Variants in RUNDC3B observed in about 807,000 individuals in gnomAD.
The protein encoded by RUNDC3B is RUN domain-containing protein 3B.
In RUNDC3B, 33 loss-of-function variants were observed where a neutral mutation model predicts 58.4. The observed-to-expected ratio is 0.56, with a 90% confidence interval of 0.43 to 0.75. The LOEUF is 0.75. Among genes scored for constraint, RUNDC3B ranks in the 30% least tolerant of loss-of-function variants. The pLI, the probability that RUNDC3B is intolerant of heterozygous loss-of-function variation, is 0.00. For synonymous variants in RUNDC3B, 193 were observed against 195.2 expected, an observed-to-expected ratio of 0.99 and a Z score of 0.10; for missense variants, 501 against 535.7, an observed-to-expected ratio of 0.94 and a Z score of 0.64.
intron 4 of RUNDC3B, among the ~76,000 whole-genome samples, chr7:87,729,642 T>C (rs1831462075): frequency 6.6e-6 from 1 of 152,234 alleles, no homozygotes; most frequent in Admixed American, 6.5e-5. Context: ...TAAAAAGCAG[T>C]CTAGGCCAAA....
At chr7:87,750,247 A>C (rs1832888717) in intron 6 of RUNDC3B, among the ~76,000 whole-genome samples, 1 of 152,068 alleles carries the variant, frequency 6.6e-6, no homozygotes, top group Non-Finnish European at 1.5e-5. Context: ...CATGGTGTAT[A>C]TGTGCCACAT....
At chr7:87,675,625 A>G (rs1279545802) in intron 2 of RUNDC3B, among the ~76,000 whole-genome samples, 51 of 142,678 alleles carry the variant, frequency 3.6e-4, no homozygotes, top group African/African-American at 1.3e-3. Flanking sequence ...TTCAGTAAAT[A>G]GTGTTCAGAA....
chr7:87,753,359 G>A (rs923494463), intron 6 of RUNDC3B, among the ~76,000 whole-genome samples: 6 of 151,906 alleles, frequency 3.9e-5, no homozygotes, highest in Non-Finnish European at 7.4e-5. Flanking sequence ...TGTTGATTTG[G>A]GGTGGAGAGT....
chr7:87,772,427 T>C lies in RUNDC3B; in HGVS notation c.798+1678T>C, dbSNP rs375360786. On this transcript the variant is annotated intron_variant, in intron 7 of 10. Transcript: ENST00000394654. ...AGTATTTCTACTAAGATAGATGAAATAGATGTAAATGACCATAAGAACATA... is the reference window on the plus strand; with the variant it reads ...AGTATTTCTACTAAGATAGATGAAACAGATGTAAATGACCATAAGAACATA... Among the ~76,000 whole-genome samples, 9 of 152,022 alleles carry C rather than the reference T, an allele frequency of 5.9e-5. No homozygotes were observed. In the East Asian group the frequency reaches 1.7e-3, roughly 29 times the overall value.
At chr7:87,712,597 G>A (rs185401345) in intron 4 of RUNDC3B, among the ~76,000 whole-genome samples, 2 of 152,140 alleles carry the variant, frequency 1.3e-5, no homozygotes, top group African/African-American at 2.4e-5. Context: ...AAATGATTGG[G>A]TGGGGTAGAA....
chr7:87,690,386 A>C (rs183046699), intron 2 of RUNDC3B, among the ~76,000 whole-genome samples: 2 of 152,226 alleles, frequency 1.3e-5, no homozygotes, highest in Admixed American at 1.3e-4. Flanking sequence ...TTTGCACTTG[A>C]TAAACTTCAA....
chr7:87,830,545 T>G lies in RUNDC3B; in HGVS notation c.*515T>G, dbSNP rs944859791. ...AATAACGGGAAAGTTCTCAGCTGCATTTTCACAGTGGCTTATTCAGTTTTT... is the reference window on the plus strand; with the variant it reads ...AATAACGGGAAAGTTCTCAGCTGCAGTTTCACAGTGGCTTATTCAGTTTTT... On this transcript the variant is annotated 3_prime_UTR_variant, in exon 11 of 11. Coordinates refer to ENST00000394654, the MANE Select transcript of RUNDC3B (RefSeq NM_001134405.2). 1 of 152,416 alleles carries G rather than the reference T, an allele frequency of 6.6e-6. No homozygotes were observed. The highest frequency in any genetic ancestry group is 1.5e-5 in the Non-Finnish European group (1 of 67,852). 9.4% of individuals were successfully genotyped at this position (152,416 alleles called of 1,614,324 possible). A position where few individuals can be genotyped will look rare whatever the true frequency, so the allele number is the denominator to read the frequency against.
At chr7:87,699,118 G>GTGGT (rs2130685065) in intron 2 of RUNDC3B, among the ~76,000 whole-genome samples, 1 of 152,186 alleles carries the variant, frequency 6.6e-6, no homozygotes, top group South Asian at 2.1e-4. Flanking sequence ...TATTATCTCA[G>GTGGT]ACATTGGTCC....
At chr7:87,779,677 A>T (rs1438238533) in intron 8 of RUNDC3B, among the ~76,000 whole-genome samples, 2 of 152,150 alleles carry the variant, frequency 1.3e-5, no homozygotes, top group African/African-American at 4.8e-5. Context: ...CAGGTTTGTT[A>T]CATGGATATG....
chr7:87,740,313 C>CT (rs1832242400), intron 5 of RUNDC3B, among the ~76,000 whole-genome samples: 1 of 151,600 alleles, frequency 6.6e-6, no homozygotes, highest in Non-Finnish European at 1.5e-5. Context: ...TCTTACGTCT[C>CT]TTATGTTATG....
chr7:87,657,484 A>T (rs1230606989), intron 2 of RUNDC3B, among the ~76,000 whole-genome samples: 3 of 152,200 alleles, frequency 2.0e-5, no homozygotes, highest in Non-Finnish European at 4.4e-5. Flanking sequence ...TGAGGCTATA[A>T]CAGTGTCCCA....
intron 8 of RUNDC3B, among the ~76,000 whole-genome samples, chr7:87,787,299 G>A (rs988714395): frequency 6.6e-6 from 1 of 151,964 alleles, no homozygotes; most frequent in African/African-American, 2.4e-5. Flanking sequence ...ATCAAAGTTG[G>A]GCATTGAAAT....
intron 4 of RUNDC3B, among the ~76,000 whole-genome samples, chr7:87,738,487 A>G (rs1167027343): frequency 1.3e-5 from 2 of 152,014 alleles, no homozygotes; most frequent in Non-Finnish European, 2.9e-5. Flanking sequence ...ATTTGTTTGC[A>G]GCCTTACATC....
chr7:87,763,636 T>A (rs904146897), intron 6 of RUNDC3B, among the ~76,000 whole-genome samples: 2 of 151,784 alleles, frequency 1.3e-5, no homozygotes, highest in African/African-American at 4.8e-5. Flanking sequence ...CAATTGTATC[T>A]GATTTTTAGG....
At chr7:87,829,146 C>T (rs1026483506) in intron 10 of RUNDC3B, among the ~76,000 whole-genome samples, 1 of 152,086 alleles carries the variant, frequency 6.6e-6, no homozygotes, top group Non-Finnish European at 1.5e-5. Flanking sequence ...GTGTCTTTTG[C>T]TCACCTCTTA....
intron 6 of RUNDC3B, among the ~76,000 whole-genome samples, chr7:87,769,293 G>C (rs930362065): frequency 6.6e-6 from 1 of 152,044 alleles, no homozygotes; most frequent in Non-Finnish European, 1.5e-5. Flanking sequence ...TTACAGGAAT[G>C]AGCTAATATG....
intron 2 of RUNDC3B, among the ~76,000 whole-genome samples, chr7:87,684,514 C>T (rs1013155224): frequency 6.6e-5 from 10 of 151,712 alleles, no homozygotes; most frequent in Non-Finnish European, 1.3e-4. Flanking sequence ...TTTGGGAGGC[C>T]GAGGCAGGCG....
chr7:87,804,128 T>C (rs1035122523), intron 8 of RUNDC3B, among the ~76,000 whole-genome samples: 1 of 152,128 alleles, frequency 6.6e-6, no homozygotes, highest in Non-Finnish European at 1.5e-5. Context: ...ACAGAAGTAG[T>C]CTGAAGATCT....
chr7:87,744,378 T>C (rs892450574), intron 6 of RUNDC3B, among the ~76,000 whole-genome samples: 6 of 152,142 alleles, frequency 3.9e-5, no homozygotes, highest in African/African-American at 9.7e-5. Flanking sequence ...GGGAATTGCA[T>C]TGAGTTTGTA....
Sources: gnomAD v4.1 joint callset for allele counts (sites outside exome capture counted in the v4.1 genomes callset) on GRCh38, gnomAD v4.1.1 for gene constraint, MANE v1.5 for transcripts, NCBI Gene and HGNC (gene_info 2026-07-23, HGNC 2026-07-21) for gene names.